NDUFAF2: variants seen among roughly 807,000 people sequenced by gnomAD.
The protein encoded by NDUFAF2 is NADH dehydrogenase [ubiquinone] 1 alpha subcomplex assembly factor 2.
Under a neutral mutation model 22.8 loss-of-function variants are expected in NDUFAF2, and 13 were observed. The ratio of observed to expected loss-of-function variants is 0.57; its 90% CI spans 0.37 to 0.91. NDUFAF2 has a LOEUF of 0.91. Ranked by LOEUF, NDUFAF2 falls within the 40% of genes least tolerant of loss-of-function variation. NDUFAF2 has a pLI of 0.01. For missense variants in NDUFAF2, 162 were observed against 195.2 expected (o/e 0.83, Z 1.01); for synonymous variants, 53 against 64.2 (o/e 0.83, Z 0.84).
intron 1 of NDUFAF2, among the ~76,000 whole-genome samples, chr5:61,042,955 C>A (rs1751901604): frequency 6.6e-6 from 1 of 152,170 alleles, no homozygotes; most frequent in South Asian, 2.1e-4. Flanking sequence ...TGCAATGGCT[C>A]ATGCCTGTAA....
At chr5:61,117,014 T>A (rs1179401818) in intron 3 of NDUFAF2, among the ~76,000 whole-genome samples, 2 of 152,186 alleles carry the variant, frequency 1.3e-5, no homozygotes, top group African/African-American at 4.8e-5. Context: ...CATAACTCAC[T>A]TGTTGACAGT....
In NDUFAF2 at chr5:61,134,081, A is replaced by G. The variant is rs1283795123; in HGVS notation, c.259-18623A>G. On this transcript the variant is annotated intron_variant, in intron 3 of 3. Transcript: ENST00000296597. Reference sequence around the variant, plus strand: ...TAGTAAGCCATGATATAGCTACACAATGGAGTCCTATGAGGCTAAAAAGGA... The same window carrying G: ...TAGTAAGCCATGATATAGCTACACAGTGGAGTCCTATGAGGCTAAAAAGGA... Among the ~76,000 whole-genome samples the G allele has an allele frequency of 3.7e-4, 56 of 152,202 alleles. 1 individual carries two copies. The highest frequency in any genetic ancestry group is 3.7e-3 in the Admixed American group (56 of 15,274).
intron 2 of NDUFAF2, among the ~76,000 whole-genome samples, chr5:61,093,323 C>T (rs575542420): frequency 5.2e-4 from 79 of 152,256 alleles, no homozygotes; most frequent in African/African-American, 8.2e-4. Context: ...AATCCAATCA[C>T]GCTGACACTG....
intron 1 of NDUFAF2, among the ~76,000 whole-genome samples, chr5:60,972,177 G>A (rs1331760088): frequency 1.3e-5 from 2 of 151,446 alleles, no homozygotes; most frequent in African/African-American, 4.9e-5. Context: ...TCCTGACCTC[G>A]TGATCTGCCT....
In NDUFAF2 at chr5:60,952,501, G is replaced by A. The variant is rs544119900; in HGVS notation, c.127+7119G>A. ...AATATTTGGAGATTTTCTAGATGGA[G>A]ATTTTCATTGACTTCTAGTTTAATT... On this transcript the variant is annotated intron_variant, in intron 1 of 3. Coordinates refer to ENST00000296597, the MANE Select transcript of NDUFAF2 (RefSeq NM_174889.5). Among the ~76,000 whole-genome samples, 6 of 152,034 alleles carry A rather than the reference G, an allele frequency of 3.9e-5. No individual in the cohort carries two copies. In the South Asian group the frequency reaches 1.2e-3, roughly 32 times the overall value.
chr5:60,995,072 CT>C (rs1259748494), intron 1 of NDUFAF2, among the ~76,000 whole-genome samples: 3 of 152,252 alleles, frequency 2.0e-5, no homozygotes, highest in African/African-American at 7.2e-5. Context: ...TGAACTATAT[CT>C]GATAGAATTT....
At chr5:61,110,000 G>T (rs1752818349) in intron 3 of NDUFAF2, among the ~76,000 whole-genome samples, 1 of 152,164 alleles carries the variant, frequency 6.6e-6, no homozygotes. Flanking sequence ...TCTATACTCA[G>T]TGTGTTAAAG....
chr5:60,948,785 TTA>T (rs1212033347), intron 1 of NDUFAF2, among the ~76,000 whole-genome samples: 1 of 152,184 alleles, frequency 6.6e-6, no homozygotes, highest in Non-Finnish European at 1.5e-5. Context: ...TTGTATGGAC[TTA>T]TGTTTTTATT....
intron 1 of NDUFAF2, among the ~76,000 whole-genome samples, chr5:60,979,096 G>A (rs530935242): frequency 2.0e-5 from 3 of 152,262 alleles, no homozygotes; most frequent in African/African-American, 7.2e-5. Flanking sequence ...GAAATACCTG[G>A]TCCCTGCAGG....
At chr5:60,977,364 G>A (rs1750916241) in intron 1 of NDUFAF2, among the ~76,000 whole-genome samples, 1 of 151,902 alleles carries the variant, frequency 6.6e-6, no homozygotes, top group Admixed American at 6.6e-5. Flanking sequence ...AGGAGTTCGA[G>A]ATTACAATGA....
At chr5:60,969,820 T>A (rs372022254) in intron 1 of NDUFAF2, among the ~76,000 whole-genome samples, 1 of 152,192 alleles carries the variant, frequency 6.6e-6, no homozygotes, top group Admixed American at 6.5e-5. Flanking sequence ...CTGGAAAGTT[T>A]CCCTACTGTT....
At chr5:61,081,763 G>A (rs570888714) in intron 2 of NDUFAF2, among the ~76,000 whole-genome samples, 13 of 152,278 alleles carry the variant, frequency 8.5e-5, no homozygotes, top group African/African-American at 1.4e-4. Flanking sequence ...TTTCTTAATA[G>A]CGAAAGCAAA....
intron 3 of NDUFAF2, among the ~76,000 whole-genome samples, chr5:61,120,387 T>C (rs577501577): frequency 6.6e-6 from 1 of 152,272 alleles, no homozygotes; most frequent in Admixed American, 6.5e-5. Context: ...TATAAATCTT[T>C]TTGGTTTTGA....
chr5:61,017,389 CTT>C (rs33980282), intron 1 of NDUFAF2, among the ~76,000 whole-genome samples: 3,319 of 150,944 alleles, frequency 0.022, 132 homozygotes, highest in African/African-American at 0.077. Context: ...TTTGGGCACA[CTT>C]TTTTTTTTAA....
At chr5:61,055,182 T>A (rs1282240848) in intron 1 of NDUFAF2, among the ~76,000 whole-genome samples, 1 of 150,008 alleles carries the variant, frequency 6.7e-6, no homozygotes, top group Non-Finnish European at 1.5e-5. Context: ...TATACTTTTA[T>A]ATGTTTTAAT....
At chr5:60,971,142 T>C (rs563411709) in intron 1 of NDUFAF2, among the ~76,000 whole-genome samples, 150 of 101,910 alleles carry the variant, frequency 1.5e-3, no homozygotes, top group African/African-American at 4.2e-3. Flanking sequence ...ATTTCTTTTT[T>C]CGTTTTTTTT....
At chr5:61,125,221 G>A (rs184353502) in intron 3 of NDUFAF2, among the ~76,000 whole-genome samples, 42 of 152,018 alleles carry the variant, frequency 2.8e-4, no homozygotes, top group African/African-American at 9.9e-4. Context: ...TTTTTTAATG[G>A]AAAATGTTAA....
chr5:60,982,080 T>A (rs371938383), intron 1 of NDUFAF2, among the ~76,000 whole-genome samples: 1 of 151,920 alleles, frequency 6.6e-6, no homozygotes, highest in South Asian at 2.1e-4. Context: ...AAAGCAAAAA[T>A]GGACAAATAG....
At chr5:61,031,136 T>C (rs1163716029) in intron 1 of NDUFAF2, among the ~76,000 whole-genome samples, 2 of 152,148 alleles carry the variant, frequency 1.3e-5, no homozygotes, top group Non-Finnish European at 2.9e-5. Flanking sequence ...TCTTTACTCT[T>C]AGCAGCCATC....
Sources: allele counts gnomAD v4.1 joint callset (sites outside exome capture counted in the v4.1 genomes callset), GRCh38; gene constraint gnomAD v4.1.1; transcripts MANE v1.5; gene names NCBI Gene and HGNC (gene_info 2026-07-23, HGNC 2026-07-21).